Variants in SCHIP1 observed in about 807,000 individuals in gnomAD.
SCHIP1 encodes the protein schwannomin interacting protein 1.
Under a neutral mutation model 29.7 loss-of-function variants are expected in SCHIP1, and 8 were observed. The ratio of observed to expected loss-of-function variants is 0.27; its 90% CI spans 0.16 to 0.49. The LOEUF (loss-of-function observed/expected upper bound fraction) is 0.49. Among genes scored for constraint, SCHIP1 ranks in the 20% least tolerant of loss-of-function variants. The pLI is 0.99. For synonymous variants in SCHIP1, 76 were observed against 94.9 expected (o/e 0.80, Z 1.16); for missense variants, 193 against 294.6 (o/e 0.66, Z 2.52).
At chr3:159,298,835 C>T in the SCHIP1 span, among the ~76,000 whole-genome samples, 1,452 of 152,316 alleles carry the variant, frequency 9.5e-3, 14 homozygotes, top group African/African-American at 0.014. Flanking sequence ...AAATAAACAT[C>T]GTTGGCCCAT....
At chr3:159,459,953 G>A in the SCHIP1 span, among the ~76,000 whole-genome samples, 2 of 152,056 alleles carry the variant, frequency 1.3e-5, no homozygotes, top group Non-Finnish European at 2.9e-5. Flanking sequence ...TCATACTTCT[G>A]GCCTCCAGAA....
chr3:159,305,558 T>C, the SCHIP1 span, among the ~76,000 whole-genome samples: 3 of 152,214 alleles, frequency 2.0e-5, no homozygotes, highest in East Asian at 5.8e-4. Flanking sequence ...TGAGACCATG[T>C]CCCATCAATA....
chr3:159,503,902 AC>A, the SCHIP1 span, among the ~76,000 whole-genome samples: 602 of 152,342 alleles, frequency 4.0e-3, 1 homozygote, highest in African/African-American at 0.014. Flanking sequence ...CATTTAAGGA[AC>A]TCAGAGTCTA....
At chr3:159,403,208 A>G in the SCHIP1 span, among the ~76,000 whole-genome samples, 1 of 152,216 alleles carries the variant, frequency 6.6e-6, no homozygotes, top group African/African-American at 2.4e-5. Flanking sequence ...GGAGTATTAA[A>G]TATACACCTA....
chr3:159,849,138 TG>T (rs1712237068), intron 1 of SCHIP1, among the ~76,000 whole-genome samples: 1 of 152,178 alleles, frequency 6.6e-6, no homozygotes, highest in Non-Finnish European at 1.5e-5. Context: ...GTTGTTTTGT[TG>T]GGAAATTTCC....
At chr3:159,419,670 G>A in the SCHIP1 span, among the ~76,000 whole-genome samples, 38 of 152,212 alleles carry the variant, frequency 2.5e-4, no homozygotes, top group Non-Finnish European at 3.1e-4. Context: ...TTAGCTAGGC[G>A]TGGTTGCAGG....
chr3:159,633,441 C>T, the SCHIP1 span, among the ~76,000 whole-genome samples: 1 of 152,118 alleles, frequency 6.6e-6, no homozygotes, highest in Non-Finnish European at 1.5e-5. Context: ...AGGGCCCCAC[C>T]CACAGGGCAC....
the SCHIP1 span, among the ~76,000 whole-genome samples, chr3:159,386,055 A>G: frequency 1.2e-4 from 18 of 152,274 alleles, no homozygotes; most frequent in Admixed American, 1.2e-3. Context: ...ATAGTATTCT[A>G]TGGTGTATAT....
chr3:159,470,676 ATCTG>A, the SCHIP1 span, among the ~76,000 whole-genome samples: 1 of 152,064 alleles, frequency 6.6e-6, no homozygotes, highest in African/African-American at 2.4e-5. Context: ...TTCCTCTCAA[ATCTG>A]TCTGTCTGTC....
the SCHIP1 span, among the ~76,000 whole-genome samples, chr3:159,371,186 G>A: frequency 6.6e-6 from 1 of 152,282 alleles, no homozygotes; most frequent in African/African-American, 2.4e-5. Context: ...TTTGTTGAAT[G>A]AGTAGATGAA....
chr3:159,550,288 G>T, the SCHIP1 span, among the ~76,000 whole-genome samples: 2 of 151,680 alleles, frequency 1.3e-5, no homozygotes, highest in Non-Finnish European at 2.9e-5. Context: ...TAAATTTTTT[G>T]ACTGTTTATT....
At chr3:159,642,831 T>C in the SCHIP1 span, among the ~76,000 whole-genome samples, 1 of 152,012 alleles carries the variant, frequency 6.6e-6, no homozygotes, top group Admixed American at 6.6e-5. Context: ...GTACAAGGAC[T>C]CAGAGACAGA....
chr3:159,383,624 G>GT, the SCHIP1 span, among the ~76,000 whole-genome samples: 1 of 129,200 alleles, frequency 7.7e-6, no homozygotes, highest in Non-Finnish European at 1.7e-5. Context: ...CTTTAAAGTA[G>GT]TTTTTTCCAA....
intron 1 of SCHIP1, among the ~76,000 whole-genome samples, chr3:159,850,841 C>A (rs1325386984): frequency 6.6e-6 from 1 of 152,194 alleles, no homozygotes; most frequent in Non-Finnish European, 1.5e-5. Context: ...AAACCACCCC[C>A]ATGGTCCAGT....
the SCHIP1 span, among the ~76,000 whole-genome samples, chr3:159,297,126 TTGTGTGTGTGTGTGTGTGTG>T: frequency 5.6e-5 from 8 of 143,378 alleles, no homozygotes; most frequent in East Asian, 1.1e-3. Flanking sequence ...TAATATTCCA[TTGTGTGTGTGTGTGTGTGTG>T]TGTGTGTGTG....
At chr3:159,334,803 G>A in the SCHIP1 span, among the ~76,000 whole-genome samples, 45 of 151,752 alleles carry the variant, frequency 3.0e-4, no homozygotes, top group African/African-American at 9.9e-4. Flanking sequence ...CCAATTTAAG[G>A]GTATTTTAGT....
chr3:159,693,199 T>C, the SCHIP1 span, among the ~76,000 whole-genome samples: 2 of 152,124 alleles, frequency 1.3e-5, no homozygotes, highest in African/African-American at 2.4e-5. Context: ...AATTGACAAT[T>C]CAAAAATGAC....
the SCHIP1 span, among the ~76,000 whole-genome samples, chr3:159,708,997 C>T: frequency 3.9e-5 from 6 of 152,164 alleles, no homozygotes; most frequent in Non-Finnish European, 7.3e-5. Context: ...GAACAGGGAG[C>T]CTGGGTCATG....
chr3:159,676,654 CAT>C, the SCHIP1 span, among the ~76,000 whole-genome samples: 1 of 152,162 alleles, frequency 6.6e-6, no homozygotes, highest in African/African-American at 2.4e-5. Context: ...TCAAAACCCA[CAT>C]GTCTGGAGGA....
Sources: allele counts gnomAD v4.1 joint callset (sites outside exome capture counted in the v4.1 genomes callset), GRCh38; gene constraint gnomAD v4.1.1; transcripts MANE v1.5; gene names NCBI Gene and HGNC (gene_info 2026-07-23, HGNC 2026-07-21).